PPM1H: variants seen among roughly 807,000 people sequenced by gnomAD.
PPM1H encodes protein phosphatase, Mg2+/Mn2+ dependent 1H.
In PPM1H, 27 loss-of-function variants were observed where a neutral mutation model predicts 54.9. That is an observed-to-expected ratio of 0.49 (90% CI 0.36 to 0.68). The LOEUF (loss-of-function observed/expected upper bound fraction) is 0.68, where lower values mean the gene tolerates loss of function less well. Among genes scored for constraint, PPM1H ranks in the 30% least tolerant of loss-of-function variants. The probability of loss-of-function intolerance (pLI) is 0.00; values close to 1 mark genes in which losing one functional copy is unlikely to be tolerated. For synonymous variants in PPM1H, 305 were observed against 270.8 expected, an observed-to-expected ratio of 1.13 and a Z score of -1.24; for missense variants, 596 against 667.8, an observed-to-expected ratio of 0.89 and a Z score of 1.19.
intron 1 of PPM1H, among the ~76,000 whole-genome samples, chr12:62,916,265 G>A (rs1871618980): frequency 6.6e-6 from 1 of 152,184 alleles, no homozygotes; most frequent in South Asian, 2.1e-4. Flanking sequence ...ATAGTCTTAA[G>A]TTTTACTTGT....
chr12:62,747,107 A>G (rs1393607126), intron 4 of PPM1H, among the ~76,000 whole-genome samples: 2 of 150,744 alleles, frequency 1.3e-5, no homozygotes, highest in Admixed American at 6.6e-5. Context: ...ATGTGCCACC[A>G]TGCCTGGTTA....
At chr12:62,653,678 G>A (rs777797490) in intron 9 of PPM1H, among the ~76,000 whole-genome samples, 1 of 152,186 alleles carries the variant, frequency 6.6e-6, no homozygotes, top group African/African-American at 2.4e-5. Flanking sequence ...TGTGCCCTGG[G>A]TTATCCAAAG....
At chr12:62,847,374 C>T (rs1869012922) in intron 1 of PPM1H, among the ~76,000 whole-genome samples, 1 of 152,178 alleles carries the variant, frequency 6.6e-6, no homozygotes, top group Non-Finnish European at 1.5e-5. Flanking sequence ...ACTCTCAATA[C>T]ACCCTCACTA....
chr12:62,662,274 CAT>C (rs2075888680), intron 9 of PPM1H, among the ~76,000 whole-genome samples: 1 of 152,136 alleles, frequency 6.6e-6, no homozygotes, highest in Non-Finnish European at 1.5e-5. Flanking sequence ...TAAAAATAAT[CAT>C]AGTAGAGAAA....
intron 7 of PPM1H, among the ~76,000 whole-genome samples, chr12:62,693,571 T>C (rs2076095502): frequency 6.6e-6 from 1 of 152,226 alleles, no homozygotes; most frequent in African/African-American, 2.4e-5. Context: ...GTCTGCCAGA[T>C]GGATATAACA....
In PPM1H at chr12:62,837,018, T is replaced by C. The variant is rs187644704; in HGVS notation, c.246-4739A>G. 5.2e-3 allele frequency among the ~76,000 whole-genome samples: 798 copies of C among 152,302 alleles called. 4 individuals carry two copies. Among genetic ancestry groups the C allele is most frequent in the Middle Eastern group, 0.01 (3 of 294 alleles). On this transcript the variant is annotated intron_variant, in intron 1 of 9. Coordinates refer to ENST00000228705, the MANE Select transcript of PPM1H (RefSeq NM_020700.2). ...ATAACCTAAATCTCAGGAATGAACA[T>C]GCATGAGATCATAGCAATAGCAGAA... is the stretch of plus-strand genomic sequence containing the variant.
chr12:62,713,193 C>T (rs1420552748), intron 6 of PPM1H, among the ~76,000 whole-genome samples: 1 of 152,116 alleles, frequency 6.6e-6, no homozygotes, highest in East Asian at 1.9e-4. Context: ...GCTTCTCCAC[C>T]CCAAGCCAAA....
intron 1 of PPM1H, among the ~76,000 whole-genome samples, chr12:62,909,442 T>C (rs937234673): frequency 9.2e-5 from 14 of 152,126 alleles, no homozygotes; most frequent in Non-Finnish European, 1.5e-4. Flanking sequence ...TCCCTCTCCT[T>C]TGTTCCCTTC....
intron 3 of PPM1H, among the ~76,000 whole-genome samples, chr12:62,793,409 C>T (rs1004730110): frequency 2.6e-5 from 4 of 151,706 alleles, no homozygotes; most frequent in African/African-American, 9.7e-5. Context: ...CTCCTTGTTG[C>T]AAGGAGAAAC....
At chr12:62,776,642 G>T (rs987128887) in intron 4 of PPM1H, among the ~76,000 whole-genome samples, 11 of 152,192 alleles carry the variant, frequency 7.2e-5, no homozygotes, top group Non-Finnish European at 1.0e-4. Flanking sequence ...GGAAAGCAAG[G>T]TATTTTCTGG....
At chr12:62,929,670 G>A (rs774462977) in intron 1 of PPM1H, among the ~76,000 whole-genome samples, 1 of 152,112 alleles carries the variant, frequency 6.6e-6, no homozygotes, top group Non-Finnish European at 1.5e-5. Flanking sequence ...GAAAGAAGCT[G>A]ATGCATTTTC....
chr12:62,830,497 T>C (rs1036713323), intron 2 of PPM1H, among the ~76,000 whole-genome samples: 11 of 152,116 alleles, frequency 7.2e-5, no homozygotes, highest in East Asian at 3.9e-4. Context: ...CCTCGTGATC[T>C]GCCCGCCTTG....
Position 62,648,601 on chromosome 12 carries a change from G to A in PPM1H, c.1433C>T (p.Ala478Val), listed in dbSNP as rs1322620519. Reference sequence around the variant, plus strand: ...TCCTCTGTCCTTCAGCACACCCCGGGCACGCATCACCAGGTCCTGAGCTGC... The same window carrying A: ...TCCTCTGTCCTTCAGCACACCCCGGACACGCATCACCAGGTCCTGAGCTGC... ...TLAAQDLVMRARGVLKDRGWR... is the reference protein window; with the variant it reads ...TLAAQDLVMRVRGVLKDRGWR... Residue 478 changes from alanine (A) to valine (V), a missense_variant, in exon 10 of 10, where the codon GCC becomes GTC. By Grantham distance (64) the Ala-to-Val change is moderately conservative (BLOSUM62 0). This residue lies in a region of PPM1H where 208 missense variants were observed against 259.5 expected (regional missense o/e 0.80). Transcript: ENST00000228705. 6.2e-7 allele frequency: 1 copy of A among 1,613,936 alleles called. No homozygotes were observed. Among genetic ancestry groups the A allele is most frequent in the East Asian group, 2.2e-5 (1 of 44,876 alleles).
intron 1 of PPM1H, among the ~76,000 whole-genome samples, chr12:62,871,861 T>C (rs1305547035): frequency 6.6e-6 from 1 of 152,080 alleles, no homozygotes; most frequent in Non-Finnish European, 1.5e-5. Context: ...ATATAAATCA[T>C]ATCTCAATTA....
intron 1 of PPM1H, among the ~76,000 whole-genome samples, chr12:62,852,088 G>T (rs1416758876): frequency 6.6e-6 from 1 of 151,942 alleles, no homozygotes; most frequent in Non-Finnish European, 1.5e-5. Flanking sequence ...AATTAGCTGG[G>T]CGTGGTGGCG....
intron 2 of PPM1H, among the ~76,000 whole-genome samples, chr12:62,825,832 C>T (rs58419885): frequency 0.092 from 13,887 of 151,250 alleles, 1,096 homozygotes; most frequent in African/African-American, 0.22. Flanking sequence ...CATATACCTA[C>T]GTAACAAACC....
Position 62,878,276 on chromosome 12 carries a change from A to G in PPM1H, c.246-45997T>C, listed in dbSNP as rs2594710. Among the ~76,000 whole-genome samples, 821 of 152,188 alleles carry G rather than the reference A, an allele frequency of 5.4e-3. 8 individuals carry two copies. The highest frequency in any genetic ancestry group is 0.018 in the African/African-American group (741 of 41,514). On this transcript the variant is annotated intron_variant, in intron 1 of 9. Coordinates refer to ENST00000228705, the MANE Select transcript of PPM1H (RefSeq NM_020700.2). ...TGTTTCTATTTTTAAAATGTTACCT[A>G]TACTGAAAAGGAAACATGTTCTTCA...
chr12:62,717,822 G>T (rs186435548), intron 6 of PPM1H, among the ~76,000 whole-genome samples: 2 of 152,258 alleles, frequency 1.3e-5, no homozygotes, highest in African/African-American at 4.8e-5. Flanking sequence ...TTAAAGTGAC[G>T]ATGCCTATTA....
intron 1 of PPM1H, among the ~76,000 whole-genome samples, chr12:62,926,285 T>C (rs920963809): frequency 2.0e-5 from 3 of 152,216 alleles, no homozygotes; most frequent in Non-Finnish European, 4.4e-5. Flanking sequence ...GTTATTCCTA[T>C]ACTTGGGTTC....
Sources: allele counts gnomAD v4.1 joint callset (sites outside exome capture counted in the v4.1 genomes callset), GRCh38; gene constraint gnomAD v4.1.1; regional missense constraint gnomAD v4.1.1; transcripts MANE v1.5; gene names NCBI Gene and HGNC (gene_info 2026-07-23, HGNC 2026-07-21).